Variants in CYP19A1 observed in about 807,000 individuals in gnomAD.
CYP19A1 encodes the protein cytochrome P450 family 19 subfamily A member 1, also known as aromatase.
A neutral mutation model predicts 44.4 loss-of-function variants in CYP19A1; 32 were observed. That is an observed-to-expected ratio of 0.72 (90% CI 0.54 to 0.97). The LOEUF is 0.97. Ranked by LOEUF, CYP19A1 falls within the 50% of genes least tolerant of loss-of-function variation. CYP19A1 has a pLI of 0.00. For missense variants in CYP19A1, 598 were observed against 637.8 expected (o/e 0.94, Z 0.67); for synonymous variants, 212 against 215.6 (o/e 0.98, Z 0.14).
chr15:51,298,234 C>G (rs2036040495), intron 1 of CYP19A1, among the ~76,000 whole-genome samples: 1 of 152,218 alleles, frequency 6.6e-6, no homozygotes, highest in African/African-American at 2.4e-5. Flanking sequence ...GCTGATATTT[C>G]AGAGTTATCT....
intron 1 of CYP19A1, among the ~76,000 whole-genome samples, chr15:51,335,526 T>C (rs1485499860): frequency 6.6e-6 from 1 of 152,250 alleles, no homozygotes; most frequent in South Asian, 2.1e-4. Context: ...TGATCTAAAT[T>C]TAGTCACGGT....
At chr15:51,336,962 T>G (rs910196977) in intron 1 of CYP19A1, among the ~76,000 whole-genome samples, 1 of 151,866 alleles carries the variant, frequency 6.6e-6, no homozygotes, top group Non-Finnish European at 1.5e-5. Context: ...CTGTGAAGTA[T>G]CAGGCAGGGC....
intron 1 of CYP19A1, among the ~76,000 whole-genome samples, chr15:51,306,835 A>G (rs1441637660): frequency 1.3e-5 from 2 of 152,232 alleles, no homozygotes; most frequent in Non-Finnish European, 2.9e-5. Flanking sequence ...TCTAGAGTCC[A>G]GGCAACCAGA....
intron 1 of CYP19A1, among the ~76,000 whole-genome samples, chr15:51,281,983 A>G (rs534788538): frequency 6.6e-6 from 1 of 152,238 alleles, no homozygotes; most frequent in Non-Finnish European, 1.5e-5. Flanking sequence ...GGCAAGAAAA[A>G]TAATAATGAG....
At chr15:51,337,557 C>T (rs1303447342) in intron 1 of CYP19A1, among the ~76,000 whole-genome samples, 1 of 152,188 alleles carries the variant, frequency 6.6e-6, no homozygotes, top group Non-Finnish European at 1.5e-5. Context: ...GGTGCATAAC[C>T]ACAGAGCCCC....
chr15:51,279,493 G>GA (rs1218002495), intron 1 of CYP19A1, among the ~76,000 whole-genome samples: 1 of 152,114 alleles, frequency 6.6e-6, no homozygotes, highest in Admixed American at 6.5e-5. Context: ...ATATATGCCA[G>GA]AAAAAAAGAA....
intron 1 of CYP19A1, among the ~76,000 whole-genome samples, chr15:51,267,496 C>A (rs943764528): frequency 1.3e-5 from 2 of 152,188 alleles, no homozygotes; most frequent in Admixed American, 1.3e-4. Context: ...CCCAGCGTGG[C>A]GGCGAGGTCC....
chr15:51,326,872 G>T (rs1198362378), intron 1 of CYP19A1, among the ~76,000 whole-genome samples: 3 of 152,126 alleles, frequency 2.0e-5, no homozygotes, highest in Non-Finnish European at 4.4e-5. Flanking sequence ...TAATTCCTCT[G>T]AATCGTTGTT....
chr15:51,233,490 T>C (rs1358563816), intron 3 of CYP19A1, among the ~76,000 whole-genome samples: 1 of 152,210 alleles, frequency 6.6e-6, no homozygotes, highest in Non-Finnish European at 1.5e-5. Context: ...TAGTAAGTTT[T>C]CAAGAAATAT....
chr15:51,281,159 C>CACACAGCCCCCTTGCT (rs1183858727), intron 1 of CYP19A1, among the ~76,000 whole-genome samples: 1 of 152,186 alleles, frequency 6.6e-6, no homozygotes, highest in Non-Finnish European at 1.5e-5. Flanking sequence ...TAGAAATGCT[C>CACACAGCCCCCTTGCT]ACACAGCCCC....
intron 1 of CYP19A1, among the ~76,000 whole-genome samples, chr15:51,317,533 T>G (rs1251483916): frequency 6.6e-6 from 1 of 152,214 alleles, no homozygotes; most frequent in African/African-American, 2.4e-5. Context: ...CTGCAGGGGA[T>G]GCAAAGGTAT....
intron 1 of CYP19A1, among the ~76,000 whole-genome samples, chr15:51,327,141 A>G (rs904341421): frequency 1.1e-4 from 17 of 152,344 alleles, no homozygotes; most frequent in African/African-American, 3.8e-4. Flanking sequence ...CATGAGTAAC[A>G]TTTAGAAGTA....
intron 1 of CYP19A1, among the ~76,000 whole-genome samples, chr15:51,289,150 A>G (rs2035784173): frequency 1.3e-5 from 2 of 152,160 alleles, no homozygotes; most frequent in Non-Finnish European, 2.9e-5. Context: ...GTTTGAGACA[A>G]TCCTACTCCC....
At chr15:51,222,095 G>A in intron 5 of CYP19A1, 1 of 619,360 alleles carries the variant, frequency 1.6e-6, no homozygotes, top group Non-Finnish European at 2.8e-6. Context: ...TTCAACTGTG[G>A]GTAGAATTCT....
intron 1 of CYP19A1, among the ~76,000 whole-genome samples, chr15:51,329,543 C>T (rs1439153995): frequency 6.6e-6 from 1 of 152,176 alleles, no homozygotes; most frequent in Non-Finnish European, 1.5e-5. Flanking sequence ...GGAAATTTTA[C>T]AAGGTAAACA....
In CYP19A1 at chr15:51,297,817, G is replaced by C. The variant is rs74013192; in HGVS notation, c.-39+40678C>G. Among the ~76,000 whole-genome samples the C allele has an allele frequency of 1.4e-3, 159 of 111,788 alleles. 1 individual carries two copies. Among genetic ancestry groups the C allele is most frequent in the African/African-American group, 5.2e-3 (142 of 27,172 alleles). 73.3% of individuals were successfully genotyped at this position (111,788 alleles called of 152,430 possible). A position where few individuals can be genotyped will look rare whatever the true frequency, so the allele number is the denominator to read the frequency against. The stretch of plus-strand genomic sequence containing the variant: ...TTCTGGAGAGATTCACTGTAGGCAT[G>C]ACACACACACACACACACACACACA... On this transcript the variant is annotated intron_variant, in intron 1 of 9. Transcript: ENST00000396402.
At chr15:51,225,350 T>G (rs1324222512) in intron 4 of CYP19A1, among the ~76,000 whole-genome samples, 1 of 152,242 alleles carries the variant, frequency 6.6e-6, no homozygotes, top group Non-Finnish European at 1.5e-5. Flanking sequence ...CTAGTTCACA[T>G]ATTCCTAATA....
At chr15:51,262,298 G>A (rs1595733488) in intron 1 of CYP19A1, among the ~76,000 whole-genome samples, 2 of 152,160 alleles carry the variant, frequency 1.3e-5, no homozygotes, top group Middle Eastern at 3.4e-3. Context: ...TAAATATGTG[G>A]GTAAATCTCT....
chr15:51,305,548 A>C (rs867237528), intron 1 of CYP19A1, among the ~76,000 whole-genome samples: 15 of 151,764 alleles, frequency 9.9e-5, no homozygotes, highest in African/African-American at 3.1e-4. Flanking sequence ...GAGATAATAA[A>C]TTTGTGTGTG....
Sources: allele counts gnomAD v4.1 joint callset (sites outside exome capture counted in the v4.1 genomes callset), GRCh38; gene constraint gnomAD v4.1.1; transcripts MANE v1.5; gene names NCBI Gene and HGNC (gene_info 2026-07-23, HGNC 2026-07-21).